LRRC7: variants seen among roughly 807,000 people sequenced by gnomAD.
The protein encoded by LRRC7 is leucine-rich repeat-containing protein 7.
LRRC7 carries 23 observed loss-of-function variants against 175.7 expected under a neutral mutation model. That is an observed-to-expected ratio of 0.13 (90% CI 0.09 to 0.19). The LOEUF (loss-of-function observed/expected upper bound fraction) is 0.19, where lower values mean the gene tolerates loss of function less well. Among genes scored for constraint, LRRC7 ranks in the 10% least tolerant of loss-of-function variants. The probability of loss-of-function intolerance (pLI) is 1.00; values close to 1 mark genes in which losing one functional copy is unlikely to be tolerated. For synonymous variants in LRRC7, 685 were observed against 680.9 expected (o/e 1.01, Z -0.09); for missense variants, 1,354 against 1,904.7 (o/e 0.71, Z 5.38).
rs1168488033 is a variant in LRRC7, at chr1:70,130,747, G to A, written c.*8860G>A. ...GAAGAAGTCATGCACATTGTCACTA[G>A]ATTACGTTACCTAAGCAATTTTTAC... On this transcript the variant is annotated 3_prime_UTR_variant, in exon 27 of 27. Transcript: ENST00000651989. Among the ~76,000 whole-genome samples, 1 of 152,168 alleles carries A rather than the reference G, an allele frequency of 6.6e-6. No homozygotes were observed. Among genetic ancestry groups the A allele is most frequent in the East Asian group, 1.9e-4 (1 of 5,194 alleles).
intron 7 of LRRC7, among the ~76,000 whole-genome samples, chr1:69,925,475 A>C (rs1647037030): frequency 6.6e-6 from 1 of 152,100 alleles, no homozygotes; most frequent in Non-Finnish European, 1.5e-5. Context: ...CCACAATTTC[A>C]GAGGCTGTTA....
At chr1:69,906,776 GT>G (rs1191001383) in intron 7 of LRRC7, among the ~76,000 whole-genome samples, 17 of 152,294 alleles carry the variant, frequency 1.1e-4, no homozygotes, top group African/African-American at 3.1e-4. Context: ...CTTTAAAGCA[GT>G]TTTTTCCAAT....
At chr1:69,795,911 G>A (rs1264236128) in intron 4 of LRRC7, among the ~76,000 whole-genome samples, 3 of 94,964 alleles carry the variant, frequency 3.2e-5, no homozygotes, top group Non-Finnish European at 7.8e-5. Flanking sequence ...ATTTTTTTTG[G>A]GTTTTTTTTT....
intron 26 of LRRC7, among the ~76,000 whole-genome samples, chr1:70,119,589 A>C (rs1321475803): frequency 6.6e-6 from 1 of 152,130 alleles, no homozygotes; most frequent in East Asian, 1.9e-4. Context: ...TTTCATGATA[A>C]AAGTACCACT....
chr1:69,912,941 T>C (rs1646577474), intron 7 of LRRC7, among the ~76,000 whole-genome samples: 1 of 152,168 alleles, frequency 6.6e-6, no homozygotes, highest in Admixed American at 6.5e-5. Flanking sequence ...ACTAATGAAG[T>C]TACTTCTTTG....
At chr1:69,822,311 A>G (rs1679387914) in intron 4 of LRRC7, among the ~76,000 whole-genome samples, 1 of 151,910 alleles carries the variant, frequency 6.6e-6, no homozygotes, top group Non-Finnish European at 1.5e-5. Flanking sequence ...AAGTGCTCAC[A>G]CTCTCTGTCA....
chr1:69,693,642 C>T (rs1325955177), intron 2 of LRRC7, among the ~76,000 whole-genome samples: 3 of 152,102 alleles, frequency 2.0e-5, no homozygotes, highest in Non-Finnish European at 4.4e-5. Flanking sequence ...ATGTTAATCT[C>T]ATCCAAAAAC....
intron 23 of LRRC7, among the ~76,000 whole-genome samples, chr1:70,065,427 T>C (rs1458890126): frequency 6.6e-6 from 1 of 151,980 alleles, no homozygotes; most frequent in Non-Finnish European, 1.5e-5. Context: ...AAAATACTTA[T>C]CACAGTGCCT....
chr1:69,979,870 C>T (rs1409304840), intron 8 of LRRC7, among the ~76,000 whole-genome samples: 1 of 150,708 alleles, frequency 6.6e-6, no homozygotes, highest in Non-Finnish European at 1.5e-5. Flanking sequence ...ACCGCAATTA[C>T]GTTTGCACCA....
intron 7 of LRRC7, among the ~76,000 whole-genome samples, chr1:69,907,263 G>A (rs1000231329): frequency 2.0e-5 from 3 of 152,026 alleles, no homozygotes; most frequent in African/African-American, 7.3e-5. Context: ...TCCTTCTCCT[G>A]CCTAATTGCC....
intron 9 of LRRC7, among the ~76,000 whole-genome samples, chr1:69,981,698 T>C (rs1653448603): frequency 6.6e-6 from 1 of 152,188 alleles, no homozygotes; most frequent in African/African-American, 2.4e-5. Flanking sequence ...GTACAAATCC[T>C]GAGGCAACAC....
chr1:69,958,623 A>G (rs1172116539), intron 8 of LRRC7, among the ~76,000 whole-genome samples: 2 of 152,046 alleles, frequency 1.3e-5, no homozygotes, highest in African/African-American at 2.4e-5. Context: ...AGTTCCTGTA[A>G]AGACAAGAAG....
At chr1:69,715,968 G>A (rs1665303238) in intron 2 of LRRC7, among the ~76,000 whole-genome samples, 2 of 151,822 alleles carry the variant, frequency 1.3e-5, no homozygotes, top group Admixed American at 6.6e-5. Context: ...CAGCTCTAAT[G>A]TTTAGTGGCA....
chr1:69,693,456 C>G (rs540273085), intron 2 of LRRC7, among the ~76,000 whole-genome samples: 1 of 152,042 alleles, frequency 6.6e-6, no homozygotes, highest in African/African-American at 2.4e-5. Flanking sequence ...CAGGATAGGC[C>G]GATAGGCTGG....
At chr1:69,853,573 T>G (rs903304925) in intron 7 of LRRC7, among the ~76,000 whole-genome samples, 1 of 151,916 alleles carries the variant, frequency 6.6e-6, no homozygotes, top group Non-Finnish European at 1.5e-5. Flanking sequence ...CACCGCACCC[T>G]GCCCATTTGT....
intron 8 of LRRC7, among the ~76,000 whole-genome samples, chr1:69,942,973 T>C (rs1302981171): frequency 1.3e-5 from 2 of 152,110 alleles, no homozygotes; most frequent in Non-Finnish European, 2.9e-5. Context: ...TTATGAGTTT[T>C]TTTGCGATTT....
intron 2 of LRRC7, among the ~76,000 whole-genome samples, chr1:69,732,738 T>C (rs1667711360): frequency 6.6e-6 from 1 of 152,124 alleles, no homozygotes; most frequent in South Asian, 2.1e-4. Flanking sequence ...CTCCTTTTTA[T>C]ATACAAAAAT....
chr1:69,952,439 G>C (rs971962405), intron 8 of LRRC7, among the ~76,000 whole-genome samples: 1 of 152,060 alleles, frequency 6.6e-6, no homozygotes, highest in Admixed American at 6.6e-5. Context: ...CCACACTGTT[G>C]AATTTGTAAA....
intron 2 of LRRC7, among the ~76,000 whole-genome samples, chr1:69,748,372 A>G (rs72675042): frequency 0.022 from 3,304 of 152,284 alleles, 55 homozygotes; most frequent in Middle Eastern, 0.058. Flanking sequence ...ATTGCGTCTC[A>G]TCACAAAAGG....
Sources: allele counts gnomAD v4.1 joint callset (sites outside exome capture counted in the v4.1 genomes callset), GRCh38; gene constraint gnomAD v4.1.1; transcripts MANE v1.5; gene names NCBI Gene and HGNC (gene_info 2026-07-23, HGNC 2026-07-21).